HTR2C: variants seen among roughly 807,000 people sequenced by gnomAD.
The protein encoded by HTR2C is 5-hydroxytryptamine (serotonin) receptor 2C, G protein-coupled.
HTR2C carries 5 observed loss-of-function variants against 21.0 expected under a neutral mutation model. The ratio of observed to expected loss-of-function variants is 0.24; its 90% CI spans 0.12 to 0.50. The LOEUF is 0.50. HTR2C is among the 20% of genes least tolerant of loss of function. The probability of loss-of-function intolerance (pLI) is 0.98; values close to 1 mark genes in which losing one functional copy is unlikely to be tolerated. For synonymous variants in HTR2C, 150 were observed against 145.3 expected (o/e 1.03, Z -0.23); for missense variants, 271 against 371.2 (o/e 0.73, Z 2.22).
At chrX:114,674,321 G>C (rs1408065365) in intron 2 of HTR2C, among the ~76,000 whole-genome samples, 1 of 112,284 alleles carries the variant, frequency 8.9e-6, no homozygotes, top group Admixed American at 9.5e-5. Context: ...CTAAATGTTA[G>C]GATTTGAAAC....
At chrX:114,730,102 C>G (rs2069521335) in intron 3 of HTR2C, among the ~76,000 whole-genome samples, 1 of 111,820 alleles carries the variant, frequency 8.9e-6, no homozygotes, top group African/African-American at 3.2e-5. Context: ...ATTGAACATG[C>G]TTGGCTGTCT....
chrX:114,719,574 G>A (rs782308181), intron 2 of HTR2C, among the ~76,000 whole-genome samples: 11 of 111,421 alleles, frequency 9.9e-5, no homozygotes, highest in Non-Finnish European at 1.9e-4. Context: ...TCTACTCAGT[G>A]TTCATGCAAA....
chrX:114,891,743 T>C (rs782192605), intron 5 of HTR2C, among the ~76,000 whole-genome samples: 1 of 111,043 alleles, frequency 9.0e-6, no homozygotes, highest in African/African-American at 3.3e-5. Flanking sequence ...GTCCTGATCA[T>C]AGGAAGAGAT....
chrX:114,776,654 T>C, intron 4 of HTR2C: 2 of 497,988 alleles, frequency 4.0e-6, no homozygotes, highest in Non-Finnish European at 3.7e-6. Flanking sequence ...AAAGGTGACA[T>C]AGCTTGGAGT....
At chrX:114,674,349 G>T (rs1476436963) in intron 2 of HTR2C, among the ~76,000 whole-genome samples, 1 of 112,107 alleles carries the variant, frequency 8.9e-6, no homozygotes, top group Non-Finnish European at 1.9e-5. Flanking sequence ...AGCTACCATT[G>T]CTTATGTTAA....
At chrX:114,692,303 A>G (rs1283850969) in intron 2 of HTR2C, among the ~76,000 whole-genome samples, 1 of 111,963 alleles carries the variant, frequency 8.9e-6, no homozygotes, top group Non-Finnish European at 1.9e-5. Context: ...CAAGTAATTT[A>G]TTGCCTAATA....
At chrX:114,611,594 A>G (rs1928734443) in intron 1 of HTR2C, among the ~76,000 whole-genome samples, 2 of 112,880 alleles carry the variant, frequency 1.8e-5, no homozygotes, top group African/African-American at 6.4e-5. Flanking sequence ...AGTCATTTCA[A>G]TAAATCTGTG....
intron 4 of HTR2C, among the ~76,000 whole-genome samples, chrX:114,829,989 T>C (rs2070707382): frequency 8.9e-6 from 1 of 111,751 alleles, no homozygotes; most frequent in East Asian, 2.8e-4. Flanking sequence ...ATTTTAGGAT[T>C]AGCATTTCCA....
intron 2 of HTR2C, among the ~76,000 whole-genome samples, chrX:114,637,853 G>GT (rs1423828820): frequency 2.7e-5 from 3 of 111,069 alleles, no homozygotes; most frequent in African/African-American, 9.8e-5. Context: ...GGAAGGCTTC[G>GT]TTTTTTGCAA....
At chrX:114,768,923 C>G (rs373090646) in intron 4 of HTR2C, among the ~76,000 whole-genome samples, 1 of 111,117 alleles carries the variant, frequency 9.0e-6, no homozygotes, top group Admixed American at 9.6e-5. Flanking sequence ...CCAATTTACA[C>G]TTTGAAGTAA....
intron 4 of HTR2C, among the ~76,000 whole-genome samples, chrX:114,758,091 C>T (rs782358455): frequency 1.6e-3 from 180 of 111,254 alleles, no homozygotes; most frequent in Non-Finnish European, 2.6e-3. Context: ...ACACTCACAT[C>T]ATGAAATTAT....
chrX:114,864,272 A>G (rs1256760724), intron 5 of HTR2C, among the ~76,000 whole-genome samples: 1 of 110,569 alleles, frequency 9.0e-6, no homozygotes, highest in Non-Finnish European at 1.9e-5. Flanking sequence ...CTAAGATTTG[A>G]TTGCTTTTTC....
chrX:114,802,683 ATTCT>A (rs57990660), intron 4 of HTR2C, among the ~76,000 whole-genome samples: 7,556 of 66,674 alleles, frequency 0.11, 394 homozygotes, highest in Middle Eastern at 0.22. Context: ...CTATGCTTAG[ATTCT>A]TTCTTTCTTT....
intron 1 of HTR2C, among the ~76,000 whole-genome samples, chrX:114,588,767 T>C (rs1291859165): frequency 8.9e-6 from 1 of 112,305 alleles, no homozygotes; most frequent in Admixed American, 9.4e-5. Context: ...TCTTCAATTA[T>C]AGCTTCCTGT....
intron 2 of HTR2C, among the ~76,000 whole-genome samples, chrX:114,673,517 A>G (rs1454863702): frequency 1.8e-5 from 2 of 111,543 alleles, no homozygotes; most frequent in Non-Finnish European, 3.8e-5. Context: ...TCAGAAAAGA[A>G]AAAAGGCTTA....
chrX:114,644,773 G>A (rs1012536977), intron 2 of HTR2C, among the ~76,000 whole-genome samples: 12 of 109,908 alleles, frequency 1.1e-4, no homozygotes, highest in African/African-American at 4.0e-4. Context: ...ATGATTGGTG[G>A]TATCATACTG....
intron 1 of HTR2C, among the ~76,000 whole-genome samples, chrX:114,592,856 AGCATAGATAAG>A (rs1927688586): frequency 8.9e-6 from 1 of 112,092 alleles, no homozygotes; most frequent in Non-Finnish European, 1.9e-5. Flanking sequence ...TCCTGGGCAG[AGCATAGATAAG>A]GCTAAAAGTT....
intron 2 of HTR2C, among the ~76,000 whole-genome samples, chrX:114,701,370 G>A (rs1372473298): frequency 9.0e-6 from 1 of 111,153 alleles, no homozygotes; most frequent in Non-Finnish European, 1.9e-5. Flanking sequence ...AAAACTTCCA[G>A]AGGAACAATC....
At chrX:114,801,715 G>C (rs2070348203) in intron 4 of HTR2C, among the ~76,000 whole-genome samples, 1 of 110,324 alleles carries the variant, frequency 9.1e-6, no homozygotes, top group African/African-American at 3.3e-5. Context: ...TCGTTTATGG[G>C]GTGTACATGA....
Sources: gnomAD v4.1 joint callset for allele counts (sites outside exome capture counted in the v4.1 genomes callset) on GRCh38, gnomAD v4.1.1 for gene constraint, MANE v1.5 for transcripts, NCBI Gene and HGNC (gene_info 2026-07-23, HGNC 2026-07-21) for gene names.